The following FAM171A2 variants were observed in gnomAD, a reference collection of about 807,000 sequenced individuals.
FAM171A2 encodes protein FAM171A2.
FAM171A2 carries 13 observed loss-of-function variants against 34.2 expected under a neutral mutation model. The ratio of observed to expected loss-of-function variants is 0.38; its 90% CI spans 0.25 to 0.60. The LOEUF (loss-of-function observed/expected upper bound fraction) is 0.60, where lower values mean the gene tolerates loss of function less well. Among genes scored for constraint, FAM171A2 ranks in the 20% least tolerant of loss-of-function variants. The pLI is 0.62. For missense variants in FAM171A2, 950 were observed against 1,180.7 expected (o/e 0.80, Z 2.86); for synonymous variants, 475 against 561.2 (o/e 0.85, Z 2.17).
At chr17:44,359,404 A>G in intron 3 of FAM171A2, 175 bp downstream of exon 3, 2 of 613,708 alleles carry the variant, frequency 3.3e-6, no homozygotes, top group East Asian at 5.5e-5. Flanking sequence ...GTGATTTCTT[A>G]CTCCAATTTG....
At position 44,355,012 on chromosome 17, in the gene FAM171A2, G is replaced by C; in HGVS notation, c.1202C>G (p.Ala401Gly). ...GGCCAAGTCCCGGGAGCTGGAGAAG[G>C]CCGAGTGGAGGGGGCCTGGAGGCGG... ...EAPPPGPLHSAFSSSRDLASS... is the reference protein window; with the variant it reads ...EAPPPGPLHSGFSSSRDLASS... Residue 401 changes from alanine to glycine, a missense_variant, in exon 8 of 8, where the codon GCC (alanine) becomes GGC (glycine). Transcript: ENST00000293443. The surrounding 1 kb of genome is among the most constrained non-coding windows in gnomAD (Gnocchi z 4.1). 1 of 1,518,358 alleles carries C rather than the reference G, an allele frequency of 6.6e-7. No individual in the cohort carries two copies. Among genetic ancestry groups the C allele is most frequent in the Non-Finnish European group, 8.8e-7 (1 of 1,133,464 alleles). The allele number at this position is 1,518,358 out of a possible 1,614,324, so 94.1% of individuals were successfully genotyped here. A position where few individuals can be genotyped will look rare whatever the true frequency, so the allele number is the denominator to read the frequency against.
At chr17:44,362,835 A>G (rs540879796) in intron 1 of FAM171A2, among the ~76,000 whole-genome samples, 2 of 152,248 alleles carry the variant, frequency 1.3e-5, no homozygotes, top group Admixed American at 6.5e-5. Context: ...GGGGGGACCC[A>G]GGCACCTGCC....
chr17:44,363,608 G>T lies in FAM171A2; in HGVS notation c.107C>A (p.Pro36His). The T allele has an allele frequency of 8.1e-7, 1 of 1,228,326 alleles. No individual in the cohort carries two copies. The allele number at this position is 1,228,326 out of a possible 1,614,324, so 76.1% of individuals were successfully genotyped here. ...RAPGKSPPEP[P>H]SPQEILIKVQ... ...CGGCTGAGACTCACCCTGCGGGCTG[G>T]GGGGCTCCGGCGGCGACTTGCCGGG... The change falls in exon 1 of 8, where the codon CCC becomes CAC. Residue 36 changes from proline to histidine, a missense_variant. Pro to His is a moderately conservative substitution (Grantham distance 77, BLOSUM62 -2). Transcript: ENST00000293443.
chr17:44,354,175 C>A lies in FAM171A2; in HGVS notation c.2039G>T (p.Arg680Leu). Residue 680 changes from arginine to leucine, a missense_variant, in exon 8 of 8, where the codon CGC becomes CTC. By Grantham distance (102) the Arg-to-Leu change is moderately radical (BLOSUM62 -2). This residue lies in a region of FAM171A2 where 7 missense variants were observed against 33.4 expected (regional missense o/e 0.21). Coordinates refer to ENST00000293443, the MANE Select transcript of FAM171A2 (RefSeq NM_198475.3). This position sits in a 1 kb window ranked among gnomAD's most constrained non-coding sequence, Gnocchi z 5.8. Reference protein sequence around the residue: ...YIDLQAGGGARSTDASLDSGV... With the variant: ...YIDLQAGGGALSTDASLDSGV... Reference sequence around the variant, plus strand: ...CGAGTCCAGGCTGGCGTCGGTGCTGCGTGCCCCGCCGCCCGCCTGCAGGTC... The same window carrying A: ...CGAGTCCAGGCTGGCGTCGGTGCTGAGTGCCCCGCCGCCCGCCTGCAGGTC... 1 of 1,343,946 alleles carries A rather than the reference C, an allele frequency of 7.4e-7. No homozygotes were observed. The highest frequency in any genetic ancestry group is 1.6e-5 in the South Asian group (1 of 60,942). The allele number at this position is 1,343,946 out of a possible 1,614,324, so 83.3% of individuals were successfully genotyped here.
chr17:44,354,301 G>A lies in FAM171A2; in HGVS notation c.1913C>T (p.Thr638Ile). The A allele has an allele frequency of 6.9e-7, 1 of 1,456,372 alleles. No individual in the cohort carries two copies. The highest frequency in any genetic ancestry group is 9.1e-7 in the Non-Finnish European group (1 of 1,095,542). 90.2% of individuals were successfully genotyped at this position (1,456,372 alleles called of 1,614,324 possible). ...AQLNGELQAL[T>I]EKKLLELGVK... ...GCCCAGTTCCAGCAGCTTCTTCTCG[G>A]TCAGGGCCTGCAGCTCCCCGTTGAG... Residue 638 changes from threonine to isoleucine, a missense_variant, in exon 8 of 8, where the codon ACC becomes ATC. Around this residue, in one of 3 missense-constraint regions of FAM171A2, gnomAD observed 752 missense variants for 924.5 expected, o/e 0.81. Transcript: ENST00000293443. This position sits in a 1 kb window ranked among gnomAD's most constrained non-coding sequence, Gnocchi z 5.8.
Position 44,355,096 on chromosome 17 carries a change from T to A in FAM171A2, c.1118A>T (p.Gln373Leu). The A allele has an allele frequency of 1.3e-6, 2 of 1,550,780 alleles. No individual in the cohort carries two copies. ...GGGTCCCCCACAGATGAGGTGGAGC[T>A]GGGACATCGAGGTGGCCTGGTCTCG... is the stretch of plus-strand genomic sequence containing the variant. The part of the protein sequence containing the change: ...NKRDQATSMS[Q>L]LHLICGGPLE... Residue 373 changes from glutamine to leucine, a missense_variant, in exon 8 of 8, where the codon CAG becomes CTG. Coordinates refer to ENST00000293443, the MANE Select transcript of FAM171A2 (RefSeq NM_198475.3). The surrounding 1 kb of genome is among the most constrained non-coding windows in gnomAD (Gnocchi z 4.1).
rs2048442070 is a variant in FAM171A2 at position 44,360,059 on chromosome 17, A to C, written c.192T>G (p.Phe64Leu). The C allele has an allele frequency of 7.7e-6, 12 of 1,551,704 alleles. No homozygotes were observed. Among genetic ancestry groups the C allele is most frequent in the Non-Finnish European group, 1.0e-5 (12 of 1,146,996 alleles). ...CAGCTGCCAGCAGAGTCCGGTTCCC[A>C]AACACATCCACTGAGGCCCGGGCCA... ...VPLARASVDV[F>L]GNRTLLAAGT... Residue 64 changes from phenylalanine to leucine, a missense_variant, in exon 2 of 8, where the codon TTT becomes TTG. Phe to Leu is a conservative substitution (Grantham distance 22). Around this residue, in one of 3 missense-constraint regions of FAM171A2, gnomAD observed 752 missense variants for 924.5 expected, o/e 0.81. Coordinates refer to ENST00000293443, the MANE Select transcript of FAM171A2 (RefSeq NM_198475.3).
Position 44,356,162 on chromosome 17 carries a change from G to A in FAM171A2, c.778+11C>T, listed in dbSNP as rs748729588. The A allele has an allele frequency of 9.2e-5, 141 of 1,540,224 alleles. No homozygotes were observed. The highest frequency in any genetic ancestry group is 1.2e-4 in the Non-Finnish European group (136 of 1,138,834). On this transcript the variant is annotated intron_variant, in intron 5 of 7. Transcript: ENST00000293443. ...TCAACTCAAGCACCTGCAGCCCCCTGAGGCACTTACCACTCTTGGGGTCAA... is the reference window on the plus strand; with the variant it reads ...TCAACTCAAGCACCTGCAGCCCCCTAAGGCACTTACCACTCTTGGGGTCAA...
rs1250268992 is a variant in FAM171A2, at chr17:44,355,789, G to A, written c.948C>T (p.Ile316=). 1 of 1,551,950 alleles carries A rather than the reference G, an allele frequency of 6.4e-7. No homozygotes were observed. Among genetic ancestry groups the A allele is most frequent in the Non-Finnish European group, 8.7e-7 (1 of 1,147,066 alleles). The change falls in exon 7 of 8, where the codon ATC becomes ATT. Residue 316 remains isoleucine, a synonymous_variant. Transcript: ENST00000293443. This position sits in a 1 kb window ranked among gnomAD's most constrained non-coding sequence, Gnocchi z 4.1. ...GIQDIGTYHT[I]FLLTILAALA... is the part of the protein sequence containing the mutation. ...GGGCTGCCAGGATGGTGAGCAAGAA[G>A]ATGGTGTGGTAGGTGCCGATGTCCT...
Position 44,355,372 on chromosome 17 carries a change from C to T in FAM171A2, c.1023-181G>A, listed in dbSNP as rs775192476. Among the ~76,000 whole-genome samples, 25 of 152,250 alleles carry T rather than the reference C, an allele frequency of 1.6e-4. No individual in the cohort carries two copies. The highest frequency in any genetic ancestry group is 6.5e-5 in the Admixed American group (1 of 15,290). ...CGTTTGGCGATCCCCTCAGGGTCAA[C>T]TCTGCACTCCTCTGCATGTAGGATG... On this transcript the variant is annotated intron_variant, in intron 7 of 7. Transcript: ENST00000293443. The surrounding 1 kb of genome is among the most constrained non-coding windows in gnomAD (Gnocchi z 4.1).
rs1405348337 is a variant in FAM171A2 at position 44,355,925 on chromosome 17, C to T, written c.895+33G>A. 1 of 1,542,572 alleles carries T rather than the reference C, an allele frequency of 6.5e-7. No homozygotes were observed. Among genetic ancestry groups the T allele is most frequent in the Non-Finnish European group, 8.8e-7 (1 of 1,141,574 alleles). On this transcript the variant is annotated intron_variant, in intron 6 of 7. Coordinates refer to ENST00000293443, the MANE Select transcript of FAM171A2 (RefSeq NM_198475.3). The surrounding 1 kb of genome is among the most constrained non-coding windows in gnomAD (Gnocchi z 4.1). ...CTGCTCTCCCAGCTCCCCTCCTCCG[C>T]GGCCTCTACGCCCACTGCCCCACTA...
At position 44,354,877 on chromosome 17, in the gene FAM171A2, G is replaced by T; in HGVS notation, c.1337C>A (p.Ser446Ter). Residue 446 changes from serine (S) to a stop codon, truncating the protein, a stop_gained, in exon 8 of 8, where the codon TCG becomes TAG. Transcript: ENST00000293443. LOFTEE classifies it low-confidence loss of function (END_TRUNC). The surrounding 1 kb of genome is among the most constrained non-coding windows in gnomAD (Gnocchi z 5.8). Reference protein sequence around the residue: ...GESAGLKGARSAEGPGGLEPG... With the variant: ...GESAGLKGAR ...CTCCAGCCCGCCGGGGCCCTCGGCC[G>T]AGCGAGCGCCCTTGAGCCCGGCGCT... 1 of 1,304,392 alleles carries T rather than the reference G, an allele frequency of 7.7e-7. No individual in the cohort carries two copies. The highest frequency in any genetic ancestry group is 2.3e-5 in the South Asian group (1 of 44,210). 80.8% of individuals were successfully genotyped at this position (1,304,392 alleles called of 1,614,324 possible). A position where few individuals can be genotyped will look rare whatever the true frequency, so the allele number is the denominator to read the frequency against.
rs1192274365 is a variant in FAM171A2, at chr17:44,355,387, C to G, written c.1023-196G>C. On this transcript the variant is annotated intron_variant, in intron 7 of 7. Coordinates refer to ENST00000293443, the MANE Select transcript of FAM171A2 (RefSeq NM_198475.3). This position sits in a 1 kb window ranked among gnomAD's most constrained non-coding sequence, Gnocchi z 4.1. ...TCAGGGTCAACTCTGCACTCCTCTG[C>G]ATGTAGGATGTGCTGCGAGAACCAG... 6.6e-6 allele frequency among the ~76,000 whole-genome samples: 1 copy of G among 152,242 alleles called. No homozygotes were observed. The highest frequency in any genetic ancestry group is 1.5e-5 in the Non-Finnish European group (1 of 68,032).
At position 44,355,165 on chromosome 17, in the gene FAM171A2, T is replaced by C; in HGVS notation, c.1049A>G (p.Gln350Arg). ...CCCCGAGAGCTGCAGCTTGCGGTGC[T>C]GTTGCCTCGGCTTCAGGCAGCGCCT... is the stretch of plus-strand genomic sequence containing the variant. ...CRRRCLKPRQ[Q>R]HRKLQLSGPS... Residue 350 changes from glutamine to arginine, a missense_variant, in exon 8 of 8, where the codon CAG (glutamine) becomes CGG (arginine). Around this residue, in one of 3 missense-constraint regions of FAM171A2, gnomAD observed 752 missense variants for 924.5 expected, o/e 0.81. Transcript: ENST00000293443. The surrounding 1 kb of genome is among the most constrained non-coding windows in gnomAD (Gnocchi z 4.1). 6.4e-7 allele frequency: 1 copy of C among 1,550,830 alleles called. No homozygotes were observed. Among genetic ancestry groups the C allele is most frequent in the Non-Finnish European group, 8.7e-7 (1 of 1,146,854 alleles).
chr17:44,358,957 C>G (rs1476901231), intron 3 of FAM171A2: 3 of 152,930 alleles, frequency 2.0e-5, no homozygotes, highest in Non-Finnish European at 2.9e-5. Flanking sequence ...AGCCAGGTCC[C>G]CTCGCAGGTT....
At chr17:44,360,504 A>G (rs528183536) in intron 1 of FAM171A2, among the ~76,000 whole-genome samples, 12 of 152,322 alleles carry the variant, frequency 7.9e-5, no homozygotes, top group African/African-American at 2.9e-4. Flanking sequence ...TTGATAATAT[A>G]TGCTCTTAGT....
intron 3 of FAM171A2, among the ~76,000 whole-genome samples, chr17:44,357,741 G>GTGTGTGTGTGTGTGTGTGTC (rs2048431040): frequency 6.6e-6 from 1 of 151,780 alleles, no homozygotes; most frequent in Non-Finnish European, 1.5e-5. Context: ...GTGTGTGTGT[G>GTGTGTGTGTGTGTGTGTGTC]TGTGTGTGTG....
At position 44,356,370 on chromosome 17, in the gene FAM171A2, A is replaced by G. The variant is rs1032323019; in HGVS notation, c.599-18T>C. On this transcript the variant is annotated intron_variant, in intron 4 of 7. Transcript: ENST00000293443. ...GCCATTGCCTGAGGGAAGAGGGTAC[A>G]GGGCTGAGGGCTGATCCTGAGCCTG... 1.3e-6 allele frequency: 2 copies of G among 1,544,522 alleles called. No homozygotes were observed. The highest frequency in any genetic ancestry group is 8.8e-7 in the Non-Finnish European group (1 of 1,142,000).
rs1414737573 is a variant in FAM171A2, at chr17:44,354,657, G to A, written c.1557C>T (p.Leu519=). The A allele has an allele frequency of 4.6e-6, 6 of 1,310,920 alleles. No individual in the cohort carries two copies. The highest frequency in any genetic ancestry group is 1.5e-5 in the African/African-American group (1 of 64,812). 81.2% of individuals were successfully genotyped at this position (1,310,920 alleles called of 1,614,324 possible). Residue 519 remains leucine, a synonymous_variant, in exon 8 of 8, where the codon CTC becomes CTT. Coordinates refer to ENST00000293443, the MANE Select transcript of FAM171A2 (RefSeq NM_198475.3). The surrounding 1 kb of genome is among the most constrained non-coding windows in gnomAD (Gnocchi z 5.8). ...GGTGGTCGATGGAGCCGCAGAAGAT[G>A]AGCTGCCCCGCCTGGCCCAGCGACG... The part of the protein sequence containing the change: ...RPPSLGQAGQ[L]IFCGSIDHLK...
Sources: allele counts gnomAD v4.1 joint callset (sites outside exome capture counted in the v4.1 genomes callset), GRCh38; gene constraint gnomAD v4.1.1; regional missense constraint gnomAD v4.1.1; non-coding constraint Gnocchi (gnomAD v3.1); transcripts MANE v1.5; gene names NCBI Gene and HGNC (gene_info 2026-07-23, HGNC 2026-07-21).